GOLIM4: variants seen among roughly 807,000 people sequenced by gnomAD.
The protein encoded by GOLIM4 is 130 kDa golgi-localized phosphoprotein.
In GOLIM4, 71 loss-of-function variants were observed where a neutral mutation model predicts 107.4. The ratio of observed to expected loss-of-function variants is 0.66; its 90% confidence interval spans 0.55 to 0.81. The LOEUF (loss-of-function observed/expected upper bound fraction) is 0.81. Among genes scored for constraint, GOLIM4 ranks in the 30% least tolerant of loss-of-function variants. The probability of loss-of-function intolerance (pLI) is 0.00; values close to 1 mark genes in which losing one functional copy is unlikely to be tolerated. For synonymous variants in GOLIM4, 327 were observed against 294.8 expected (o/e 1.11, Z -1.12); for missense variants, 830 against 826.1 (o/e 1.00, Z -0.06).
rs890651708 is a variant in GOLIM4 at position 168,043,627 on chromosome 3, C to T, written c.367-98G>A. 4 of 879,512 alleles carry T rather than the reference C, an allele frequency of 4.5e-6. No homozygotes were observed. The African/African-American group carries it at 5.2e-5, about 11-fold the overall frequency. The allele number at this position is 879,512 out of a possible 1,614,324, so 54.5% of individuals were successfully genotyped here. A position where few individuals can be genotyped will look rare whatever the true frequency, so the allele number is the denominator to read the frequency against. On this transcript the variant is annotated intron_variant, in intron 4 of 15. Transcript: ENST00000470487. ...GTAAACAAAAACAAATGAAAGCAAG[C>T]AAGCACAAACACATGAAGAAATAGG... is the stretch of plus-strand genomic sequence containing the variant.
chr3:168,074,394 G>A (rs1391526328), intron 1 of GOLIM4, among the ~76,000 whole-genome samples: 2 of 152,116 alleles, frequency 1.3e-5, no homozygotes, highest in East Asian at 1.9e-4. Flanking sequence ...GTTGAAATCT[G>A]AGCAGAGGCC....
intron 13 of GOLIM4, 35 bp downstream of exon 13, chr3:168,024,893 A>C: frequency 1.3e-6 from 2 of 1,574,240 alleles, no homozygotes; most frequent in South Asian, 2.2e-5. Flanking sequence ...AAAATAGCCC[A>C]GTTAAATCCA....
rs778158683 is a variant in GOLIM4, at chr3:168,029,821, A to G, written c.1392T>C (p.Ala464=). 3.7e-6 allele frequency: 6 copies of G among 1,614,084 alleles called. No individual in the cohort carries two copies. Among genetic ancestry groups the G allele is most frequent in the African/African-American group, 1.3e-5 (1 of 75,062 alleles). The change falls in exon 10 of 16, where the codon GCT becomes GCC. Residue 464 remains alanine (A), a synonymous_variant. Transcript: ENST00000470487. ...VAREMALQRQ[A]ELEEGRPQHQ... is the part of the protein sequence containing the mutation. The stretch of plus-strand genomic sequence containing the variant: ...GCTGCGGCCGGCCCTCCTCAAGCTC[A>G]GCCTGCCTCTGCAGGGCCATCTCTC...
chr3:168,043,021 A>G (rs1396419375), intron 5 of GOLIM4, among the ~76,000 whole-genome samples: 1 of 152,194 alleles, frequency 6.6e-6, no homozygotes, highest in African/African-American at 2.4e-5. Context: ...GCAATTTTTG[A>G]TTGTGGCAAT....
chr3:168,081,922 TAGTC>T (rs1263283841), intron 1 of GOLIM4, among the ~76,000 whole-genome samples: 1 of 152,148 alleles, frequency 6.6e-6, no homozygotes, highest in Admixed American at 6.6e-5. Context: ...AGAGGGTTAA[TAGTC>T]AGGGCTTAAG....
intron 14 of GOLIM4, among the ~76,000 whole-genome samples, chr3:168,022,176 C>G (rs191684548): frequency 2.0e-5 from 3 of 152,056 alleles, no homozygotes; most frequent in Non-Finnish European, 4.4e-5. Context: ...TACCTCTGAA[C>G]AGGTGTGGCC....
intron 14 of GOLIM4, among the ~76,000 whole-genome samples, chr3:168,017,825 C>CCT (rs143132637): frequency 0.031 from 4,661 of 152,116 alleles, 185 homozygotes; most frequent in African/African-American, 0.1. Flanking sequence ...CTCAAAAATT[C>CCT]CTCTCTCTCT....
intron 1 of GOLIM4, among the ~76,000 whole-genome samples, chr3:168,072,779 T>C (rs1007981699): frequency 6.6e-6 from 1 of 152,044 alleles, no homozygotes; most frequent in Non-Finnish European, 1.5e-5. Context: ...ATTATTACAG[T>C]AAGAAGCTAA....
Position 168,069,108 on chromosome 3 carries a change from C to A in GOLIM4, c.188-20743G>T, listed in dbSNP as rs192551046. Among the ~76,000 whole-genome samples, 324 of 152,276 alleles carry A rather than the reference C, an allele frequency of 2.1e-3. 3 individuals are homozygous for A. Among genetic ancestry groups the A allele is most frequent in the Admixed American group, 4.6e-3 (70 of 15,296 alleles). ...TCGGCCTCTCAAACTGCTGGGATTA[C>A]AGGTGTGAGCCACCATGCCCGGCCT... is the stretch of plus-strand genomic sequence containing the variant. On this transcript the variant is annotated intron_variant, in intron 1 of 15. Coordinates refer to ENST00000470487, the MANE Select transcript of GOLIM4 (RefSeq NM_014498.5).
rs1240980409 is a variant in GOLIM4 at position 168,030,048 on chromosome 3, A to G, written c.1177-12T>C. The G allele has an allele frequency of 1.2e-6, 2 of 1,613,024 alleles. No individual in the cohort carries two copies. Among genetic ancestry groups the G allele is most frequent in the East Asian group, 4.5e-5 (2 of 44,868 alleles). ...GCTGAAGGGTACACCTAGGGTGAAA[A>G]AGAGTTGGTGCAGAGCAAGAGGGGT... On this transcript the variant is annotated splice_polypyrimidine_tract_variant and intron_variant, in intron 9 of 15. Coordinates refer to ENST00000470487, the MANE Select transcript of GOLIM4 (RefSeq NM_014498.5).
chr3:168,087,669 A>T (rs1256877018), intron 1 of GOLIM4, among the ~76,000 whole-genome samples: 1 of 152,196 alleles, frequency 6.6e-6, no homozygotes, highest in Non-Finnish European at 1.5e-5. Flanking sequence ...TACTGTCATG[A>T]GAGACACTAA....
intron 14 of GOLIM4, among the ~76,000 whole-genome samples, chr3:168,011,962 T>C (rs143178646): frequency 0.055 from 8,006 of 146,340 alleles, 262 homozygotes; most frequent in Non-Finnish European, 0.067. Flanking sequence ...AACAGAAAAA[T>C]TGGAAACTAA....
chr3:168,086,773 C>T (rs1196454272), intron 1 of GOLIM4, among the ~76,000 whole-genome samples: 2 of 152,190 alleles, frequency 1.3e-5, no homozygotes, highest in Non-Finnish European at 2.9e-5. Flanking sequence ...GACATGTCTT[C>T]TGCATATGCA....
intron 1 of GOLIM4, among the ~76,000 whole-genome samples, chr3:168,083,103 C>G (rs1721451582): frequency 6.6e-6 from 1 of 152,098 alleles, no homozygotes; most frequent in South Asian, 2.1e-4. Flanking sequence ...ACTTAATGAC[C>G]TTTTCATAAC....
At chr3:168,026,525 A>G (rs4073179) in intron 12 of GOLIM4, among the ~76,000 whole-genome samples, 6,569 of 152,258 alleles carry the variant, frequency 0.043, 182 homozygotes, top group Non-Finnish European at 0.069. Flanking sequence ...CATGTTCCCC[A>G]AAACAAACAA....
chr3:168,049,590 C>T (rs28676687), intron 1 of GOLIM4, among the ~76,000 whole-genome samples: 10,412 of 152,130 alleles, frequency 0.068, 1,186 homozygotes, highest in African/African-American at 0.24. Flanking sequence ...GTCACAAGCT[C>T]CCCGTGACTA....
At chr3:168,035,483 T>C (rs1718590943) in intron 8 of GOLIM4, among the ~76,000 whole-genome samples, 1 of 152,124 alleles carries the variant, frequency 6.6e-6, no homozygotes, top group African/African-American at 2.4e-5. Context: ...AAGAACAAGA[T>C]CATGTCCTTT....
At chr3:168,070,488 A>G (rs920855264) in intron 1 of GOLIM4, among the ~76,000 whole-genome samples, 2 of 152,252 alleles carry the variant, frequency 1.3e-5, no homozygotes, top group Admixed American at 1.3e-4. Flanking sequence ...TAGTTTCTTC[A>G]TCTTCCTGAG....
rs902072757 is a variant in GOLIM4, at chr3:168,029,773, A to C, written c.1433+7T>G. ...TGTCTTCGTTCATTAAGGAAGGGGAAGGCTACCGGAGCTGCTCCTGGTGCT... is the reference window on the plus strand; with the variant it reads ...TGTCTTCGTTCATTAAGGAAGGGGACGGCTACCGGAGCTGCTCCTGGTGCT... On this transcript the variant is annotated splice_region_variant and intron_variant, in intron 10 of 15. Transcript: ENST00000470487. The C allele has an allele frequency of 6.2e-7, 1 of 1,611,106 alleles. No homozygotes were observed. The highest frequency in any genetic ancestry group is 1.3e-5 in the African/African-American group (1 of 75,006).
Sources: gnomAD v4.1 joint callset for allele counts (sites outside exome capture counted in the v4.1 genomes callset) on GRCh38, gnomAD v4.1.1 for gene constraint, MANE v1.5 for transcripts, NCBI Gene and HGNC (gene_info 2026-07-23, HGNC 2026-07-21) for gene names.